The following CARS2 variants were observed in gnomAD, a reference collection of about 807,000 sequenced individuals.
CARS2 encodes the protein cysteinyl-tRNA synthetase 2, mitochondrial.
A neutral mutation model predicts 68.8 loss-of-function variants in CARS2; 52 were observed. The observed-to-expected ratio is 0.76, with a 90% CI of 0.61 to 0.95. The LOEUF is 0.95. Among genes scored for constraint, CARS2 ranks in the 40% least tolerant of loss-of-function variants. CARS2 has a pLI of 0.00. For synonymous variants in CARS2, 314 were observed against 303.6 expected, an observed-to-expected ratio of 1.03 and a Z score of -0.36; for missense variants, 780 against 754.2, an observed-to-expected ratio of 1.03 and a Z score of -0.40.
At chr13:110,693,422 C>G (rs902437122) in intron 3 of CARS2, among the ~76,000 whole-genome samples, 3 of 152,064 alleles carry the variant, frequency 2.0e-5, no homozygotes, top group Non-Finnish European at 4.4e-5. Flanking sequence ...TGCAGTGGCG[C>G]AATCTCGGCT....
chr13:110,690,262 G>C (rs764973011), intron 3 of CARS2, among the ~76,000 whole-genome samples: 3 of 152,116 alleles, frequency 2.0e-5, no homozygotes, highest in Non-Finnish European at 4.4e-5. Flanking sequence ...AAGATCAGCA[G>C]GTTGCTTAAT....
At chr13:110,709,540 T>C (rs1202070660), upstream of CARS2, among the ~76,000 whole-genome samples, 2 of 152,186 alleles carry the variant, frequency 1.3e-5, no homozygotes, top group African/African-American at 2.4e-5. Flanking sequence ...AGACTGCTAA[T>C]GCTCTTCATT....
At chr13:110,658,575 C>T (rs1378678870) in intron 9 of CARS2, among the ~76,000 whole-genome samples, 3 of 151,992 alleles carry the variant, frequency 2.0e-5, no homozygotes, top group Admixed American at 2.0e-4. Flanking sequence ...AACATATGAA[C>T]CTTGATCAAC....
At chr13:110,696,135 T>G (rs2063617001) in intron 3 of CARS2, among the ~76,000 whole-genome samples, 1 of 152,194 alleles carries the variant, frequency 6.6e-6, no homozygotes, top group Non-Finnish European at 1.5e-5. Flanking sequence ...CTGCACAGTA[T>G]TCCATGTGCC....
chr13:110,644,504 G>A (rs1418812194), intron 12 of CARS2, 21 bp from the exon 13 acceptor site: 1 of 1,613,650 alleles, frequency 6.2e-7, no homozygotes, highest in South Asian at 1.1e-5. Context: ...TCATGTCGCA[G>A]AAGCTCCTTA....
intron 2 of CARS2, among the ~76,000 whole-genome samples, chr13:110,703,967 T>A (rs74125056): frequency 0.01 from 1,596 of 152,370 alleles, 25 homozygotes; most frequent in African/African-American, 0.036. Context: ...CTGGGGTTAA[T>A]GCCCTCATAG....
intron 8 of CARS2, chr13:110,666,844 C>T (rs1179449824): frequency 1.8e-5 from 18 of 985,306 alleles, no homozygotes; most frequent in Non-Finnish European, 2.0e-5. Context: ...ACGACTCTTC[C>T]AGTGCATCCA....
At chr13:110,686,360 G>A (rs1180424174) in intron 5 of CARS2, among the ~76,000 whole-genome samples, 4 of 150,672 alleles carry the variant, frequency 2.7e-5, no homozygotes, top group South Asian at 2.1e-4. Flanking sequence ...CTCTCACCTC[G>A]GCCTCCTGAG....
intron 8 of CARS2, chr13:110,664,763 G>A (rs1469820761): frequency 2.0e-6 from 1 of 494,056 alleles, no homozygotes; most frequent in Non-Finnish European, 2.6e-6. Flanking sequence ...GCCTGTGGGA[G>A]GTGATGAGGT....
In CARS2 at chr13:110,663,378, T is replaced by C; in HGVS notation, c.987+73A>G. 2.1e-6 allele frequency: 3 copies of C among 1,453,444 alleles called. No homozygotes were observed. The East Asian group carries it at 7.0e-5, about 34-fold the overall frequency. The allele number at this position is 1,453,444 out of a possible 1,614,324, so 90.0% of individuals were successfully genotyped here. ...GGAATGGGATTCCGTGGTTCTCAAA[T>C]GACACAGAAGCCTTTAAGATGGGTT... On this transcript the variant is annotated intron_variant, in intron 9 of 14. Transcript: ENST00000257347.
intron 3 of CARS2, among the ~76,000 whole-genome samples, chr13:110,692,067 T>TATAC (rs1335595428): frequency 1.4e-5 from 2 of 144,626 alleles, no homozygotes; most frequent in Admixed American, 1.4e-4. Context: ...CATATATATA[T>TATAC]ACACACATAC....
At chr13:110,663,213 G>A (rs1391694364) in intron 9 of CARS2, among the ~76,000 whole-genome samples, 1 of 152,142 alleles carries the variant, frequency 6.6e-6, no homozygotes, top group Admixed American at 6.5e-5. Flanking sequence ...CACGGAAAGA[G>A]AAAGGGAAGC....
intron 6 of CARS2, among the ~76,000 whole-genome samples, chr13:110,678,934 T>C (rs1011784826): frequency 2.8e-5 from 4 of 141,156 alleles, no homozygotes; most frequent in Non-Finnish European, 4.7e-5. Context: ...GGCACGTGCA[T>C]GGGAACCTTC....
Position 110,667,386 on chromosome 13 carries a change from T to A in CARS2, c.873A>T (p.Glu291Asp). Residue 291 changes from glutamate to aspartate, a missense_variant, in exon 8 of 15, where the codon GAA (glutamate) becomes GAT (aspartate). Glu to Asp is a conservative substitution (Grantham distance 45, BLOSUM62 2). Transcript: ENST00000257347. ...PHHENEIAQCEVFHQCEQWGN... is the reference protein window; with the variant it reads ...PHHENEIAQCDVFHQCEQWGN... ...CCCACTGCTCGCACTGATGAAAGAC[T>A]TCGCACTGTGCAATTTCGTTTTCAT... The A allele has an allele frequency of 6.2e-7, 1 of 1,613,922 alleles. No individual in the cohort carries two copies. Among genetic ancestry groups the A allele is most frequent in the African/African-American group, 1.3e-5 (1 of 75,064 alleles).
Position 110,706,041 on chromosome 13 carries a change from G to C in CARS2, c.53C>G (p.Ala18Gly), listed in dbSNP as rs1295368394. ...PGLGPPLLQA[A>G]LGLGRAGWHW... ...CCACCCAGCCCGCCCAAGGCCCAGC[G>C]CGGCCTGGAGCAGCGGGGGGCCCAG... is the stretch of plus-strand genomic sequence containing the variant. The change falls in exon 1 of 15, where the codon GCG becomes GGG. Residue 18 changes from alanine (A) to glycine (G), a missense_variant. Ala to Gly is a moderately conservative substitution (Grantham distance 60). Transcript: ENST00000257347. The C allele has an allele frequency of 7.3e-7, 1 of 1,368,856 alleles. No homozygotes were observed. The highest frequency in any genetic ancestry group is 9.4e-7 in the Non-Finnish European group (1 of 1,063,220). 84.8% of individuals were successfully genotyped at this position (1,368,856 alleles called of 1,614,324 possible). A position where few individuals can be genotyped will look rare whatever the true frequency, so the allele number is the denominator to read the frequency against.
rs564836402 is a variant in CARS2, at chr13:110,641,868, G to A, written c.1624-260C>T. ...GCAGCCAACTTGGCCCCTCCCTCAC[G>A]GCCCTCCCACCTCATTTTTTATGGG... On this transcript the variant is annotated intron_variant, in intron 14 of 14. Coordinates refer to ENST00000257347, the MANE Select transcript of CARS2 (RefSeq NM_024537.4). Among the ~76,000 whole-genome samples, 10 of 152,270 alleles carry A rather than the reference G, an allele frequency of 6.6e-5. No individual in the cohort carries two copies. In the East Asian group the frequency reaches 1.7e-3, roughly 26 times the overall value.
At chr13:110,706,541 C>T (rs1479763130), upstream of CARS2, 2 of 153,592 alleles carry the variant, frequency 1.3e-5, no homozygotes, top group African/African-American at 4.8e-5. Context: ...CAGCCCACGT[C>T]AGCACGCTAA....
upstream of CARS2, among the ~76,000 whole-genome samples, chr13:110,709,931 C>G (rs1357676020): frequency 6.6e-6 from 1 of 152,028 alleles, no homozygotes; most frequent in Non-Finnish European, 1.5e-5. Flanking sequence ...TTAATGACAA[C>G]AATAACAAAA....
Position 110,665,882 on chromosome 13 carries a change from A to T in CARS2, c.919+1458T>A. Reference sequence around the variant, plus strand: ...TGTGACATCTTAATTTCCCAATTCAAGGGTTTCAAAAACTAGTATTTGTTA... The same window carrying T: ...TGTGACATCTTAATTTCCCAATTCATGGGTTTCAAAAACTAGTATTTGTTA... On this transcript the variant is annotated intron_variant, in intron 8 of 14. Transcript: ENST00000257347. The surrounding 1 kb of genome is among the most constrained non-coding windows in gnomAD (Gnocchi z 4.3). The T allele has an allele frequency of 1.0e-6, 1 of 985,412 alleles. No individual in the cohort carries two copies. Among genetic ancestry groups the T allele is most frequent in the Non-Finnish European group, 1.2e-6 (1 of 829,926 alleles). The allele number at this position is 985,412 out of a possible 1,614,324, so 61.0% of individuals were successfully genotyped here.
Sources: gnomAD v4.1 joint callset for allele counts (sites outside exome capture counted in the v4.1 genomes callset) on GRCh38, gnomAD v4.1.1 for gene constraint, Gnocchi (gnomAD v3.1) non-coding constraint, MANE v1.5 for transcripts, NCBI Gene and HGNC (gene_info 2026-07-23, HGNC 2026-07-21) for gene names.